BCAS4: variants seen among roughly 807,000 people sequenced by gnomAD.
The protein encoded by BCAS4 is breast carcinoma amplified sequence 4.
BCAS4 carries 9 observed loss-of-function variants against 15.7 expected under a neutral mutation model. The ratio of observed to expected loss-of-function variants is 0.57; its 90% confidence interval spans 0.34 to 1.00. The LOEUF is 1.00. Among genes scored for constraint, BCAS4 ranks in the 50% least tolerant of loss-of-function variants. The pLI is 0.02. For missense variants in BCAS4, 225 were observed against 239.1 expected (o/e 0.94, Z 0.39); for synonymous variants, 101 against 99.5 (o/e 1.02, Z -0.09).
intron 1 of BCAS4, among the ~76,000 whole-genome samples, chr20:50,806,723 T>A (rs1374912228): frequency 6.6e-6 from 1 of 151,646 alleles, no homozygotes; most frequent in Non-Finnish European, 1.5e-5. Context: ...TTTTTGGGGG[T>A]ATATAGTAGG....
At chr20:50,820,899 G>A (rs528982697) in intron 2 of BCAS4, among the ~76,000 whole-genome samples, 2 of 151,942 alleles carry the variant, frequency 1.3e-5, no homozygotes, top group Admixed American at 6.5e-5. Context: ...TGATGTTTCT[G>A]GGGGGGAAAA....
chr20:50,830,509 T>C (rs930376757), intron 3 of BCAS4, 129 bp downstream of exon 3: 4 of 690,948 alleles, frequency 5.8e-6, no homozygotes, highest in Admixed American at 3.2e-5. Flanking sequence ...GTGGTGGGAG[T>C]TGGGGAGTCT....
intron 4 of BCAS4, among the ~76,000 whole-genome samples, chr20:50,845,003 C>T (rs2088526416): frequency 6.6e-6 from 1 of 152,118 alleles, no homozygotes; most frequent in African/African-American, 2.4e-5. Flanking sequence ...GGCTCCAGGG[C>T]TGTGGCTGCT....
chr20:50,869,742 C>CT (rs55685532), intron 4 of BCAS4, among the ~76,000 whole-genome samples: 5,146 of 77,574 alleles, frequency 0.066, 406 homozygotes, highest in African/African-American at 0.093. Flanking sequence ...CCTGGCACTG[C>CT]TTTTTTTTTT....
At position 50,876,514 on chromosome 20, in the gene BCAS4, A is replaced by G; in HGVS notation, c.428A>G (p.Tyr143Cys). 1 of 1,613,904 alleles carries G rather than the reference A, an allele frequency of 6.2e-7. No individual in the cohort carries two copies. Among genetic ancestry groups the G allele is most frequent in the Non-Finnish European group, 8.5e-7 (1 of 1,179,904 alleles). The change falls in exon 5 of 5, where the codon TAC becomes TGC. Residue 143 changes from tyrosine (Y) to cysteine (C), a missense_variant. Tyr to Cys is a radical substitution (Grantham distance 194). Transcript: ENST00000371608. ...TCACCTGCACCGGTGCCCGTGACGT[A>G]CGAGCTGCCCACACTGTATAGGACG... ...NKSPAPVPVT[Y>C]ELPTLYRTED...
chr20:50,822,887 A>G lies in BCAS4; in HGVS notation c.162+4605A>G, dbSNP rs1221855165. Among the ~76,000 whole-genome samples, 8 of 151,694 alleles carry G rather than the reference A, an allele frequency of 5.3e-5. No homozygotes were observed. In the East Asian group the frequency reaches 1.4e-3, roughly 26 times the overall value. On this transcript the variant is annotated intron_variant, in intron 2 of 4. Coordinates refer to ENST00000371608, the MANE Select transcript of BCAS4 (RefSeq NM_198799.4). ...AGTGATCCACCCGCCTCAGCCATCC[A>G]AAGTGCTGGGGATTACAGGCGTGAG...
At chr20:50,835,175 G>A (rs1048307674) in intron 3 of BCAS4, among the ~76,000 whole-genome samples, 4 of 151,420 alleles carry the variant, frequency 2.6e-5, no homozygotes, top group African/African-American at 7.3e-5. Flanking sequence ...AACTCAACTC[G>A]TTTTAGGACG....
At chr20:50,871,650 G>A (rs1979650965) in intron 4 of BCAS4, among the ~76,000 whole-genome samples, 1 of 152,240 alleles carries the variant, frequency 6.6e-6, no homozygotes, top group African/African-American at 2.4e-5. Context: ...CGCTCCAAGT[G>A]ATATTGGCAG....
At chr20:50,882,514 A>G in the BCAS4 span, 4 of 152,220 alleles carry the variant, frequency 2.6e-5, no homozygotes, top group Non-Finnish European at 5.9e-5. Context: ...AGACATTACT[A>G]TTCTCTGGAA....
At chr20:50,880,297 AC>A, downstream of BCAS4, 1 of 152,358 alleles carries the variant, frequency 6.6e-6, no homozygotes, top group Non-Finnish European at 1.5e-5. Context: ...CCCTGCCATC[AC>A]CAACCCCTAA....
chr20:50,837,285 A>G (rs1409719626), intron 3 of BCAS4, among the ~76,000 whole-genome samples: 1 of 152,050 alleles, frequency 6.6e-6, no homozygotes, highest in Non-Finnish European at 1.5e-5. Context: ...GCTGGGAATT[A>G]TTTGGTGGAA....
chr20:50,841,228 C>T (rs1195475677), intron 3 of BCAS4, among the ~76,000 whole-genome samples: 3 of 152,184 alleles, frequency 2.0e-5, no homozygotes, highest in East Asian at 3.9e-4. Flanking sequence ...TCCCATTAGG[C>T]CCCCTTTACC....
chr20:50,861,912 G>A (rs1417964298), intron 4 of BCAS4, among the ~76,000 whole-genome samples: 1 of 128,878 alleles, frequency 7.8e-6, no homozygotes, highest in Non-Finnish European at 1.6e-5. Context: ...GGAGTGGAGT[G>A]ACATAATCAT....
intron 4 of BCAS4, among the ~76,000 whole-genome samples, chr20:50,856,482 A>G (rs1381000397): frequency 6.6e-6 from 1 of 152,198 alleles, no homozygotes; most frequent in East Asian, 1.9e-4. Flanking sequence ...TGGAGTGAGA[A>G]GCTGGAGCAG....
At chr20:50,828,935 T>C (rs2088310760) in intron 2 of BCAS4, among the ~76,000 whole-genome samples, 1 of 152,194 alleles carries the variant, frequency 6.6e-6, no homozygotes, top group African/African-American at 2.4e-5. Context: ...TCATCCTCAG[T>C]ATCCCAGCGA....
intron 4 of BCAS4, among the ~76,000 whole-genome samples, chr20:50,865,409 A>T (rs1320731358): frequency 1.3e-5 from 2 of 152,132 alleles, no homozygotes; most frequent in Non-Finnish European, 2.9e-5. Flanking sequence ...GACTCCCCCC[A>T]CCTGCTGTCC....
intron 2 of BCAS4, among the ~76,000 whole-genome samples, chr20:50,829,072 T>G (rs2088312446): frequency 6.6e-6 from 1 of 152,132 alleles, no homozygotes; most frequent in Admixed American, 6.5e-5. Flanking sequence ...GCCTGACTCC[T>G]TAGTCCAGCT....
At chr20:50,881,162 T>TGAGGCTGC (rs1350989000), downstream of BCAS4, 2 of 152,140 alleles carry the variant, frequency 1.3e-5, no homozygotes, top group African/African-American at 4.8e-5. Context: ...CCAGGGAACT[T>TGAGGCTGC]GAGGCTGCAG....
chr20:50,830,809 C>T, intron 3 of BCAS4, among the ~76,000 whole-genome samples: 1 of 152,078 alleles, frequency 6.6e-6, no homozygotes, highest in Non-Finnish European at 1.5e-5. Flanking sequence ...TTGATTGTGC[C>T]ACTGTATTCC....
Sources: gnomAD v4.1 joint callset for allele counts (sites outside exome capture counted in the v4.1 genomes callset) on GRCh38, gnomAD v4.1.1 for gene constraint, MANE v1.5 for transcripts, NCBI Gene and HGNC (gene_info 2026-07-23, HGNC 2026-07-21) for gene names.